Variants in LRIG3 observed in about 807,000 individuals in gnomAD.
LRIG3 encodes the protein leucine rich repeats and immunoglobulin like domains 3.
LRIG3 carries 76 observed loss-of-function variants against 114.5 expected under a neutral mutation model. The ratio of observed to expected loss-of-function variants is 0.66; its 90% confidence interval spans 0.55 to 0.80. LRIG3 has a LOEUF of 0.80. LRIG3 is among the 30% of genes least tolerant of loss of function. The pLI, the probability that LRIG3 is intolerant of heterozygous loss-of-function variation, is 0.00. For synonymous variants in LRIG3, 512 were observed against 519.8 expected (o/e 0.98, Z 0.20); for missense variants, 1,239 against 1,382.8 (o/e 0.90, Z 1.65).
chr12:58,885,499 G>C (rs969319138), intron 10 of LRIG3, among the ~76,000 whole-genome samples: 2 of 151,614 alleles, frequency 1.3e-5, no homozygotes, highest in African/African-American at 4.8e-5. Context: ...TACAATGCCT[G>C]ATATATAGTG....
At chr12:58,891,680 A>G (rs1871460358) in intron 3 of LRIG3, among the ~76,000 whole-genome samples, 1 of 152,184 alleles carries the variant, frequency 6.6e-6, no homozygotes, top group Non-Finnish European at 1.5e-5. Context: ...ATAGTCTTCA[A>G]CACCAATGAA....
Position 58,920,292 on chromosome 12 carries a change from C to T in LRIG3, c.-57G>A. The T allele has an allele frequency of 1.6e-6, 2 of 1,265,292 alleles. No homozygotes were observed. The highest frequency in any genetic ancestry group is 2.3e-5 in the South Asian group (1 of 42,890). The allele number at this position is 1,265,292 out of a possible 1,614,324, so 78.4% of individuals were successfully genotyped here. A position where few individuals can be genotyped will look rare whatever the true frequency, so the allele number is the denominator to read the frequency against. The stretch of plus-strand genomic sequence containing the variant: ...GCTCCCAGCCGGCGCGCGCTCGGGG[C>T]CCGGCACAAACTTCCAGCCGAGGGT... On this transcript the variant is annotated 5_prime_UTR_variant, in exon 1 of 19. Coordinates refer to ENST00000320743, the MANE Select transcript of LRIG3 (RefSeq NM_153377.5).
At chr12:58,912,728 A>T (rs1227820747) in intron 3 of LRIG3, among the ~76,000 whole-genome samples, 7 of 152,220 alleles carry the variant, frequency 4.6e-5, no homozygotes, top group Non-Finnish European at 1.0e-4. Flanking sequence ...AGCAAGAGCA[A>T]AGTGGAATTT....
intron 3 of LRIG3, among the ~76,000 whole-genome samples, chr12:58,893,302 C>A (rs763513461): frequency 1.1e-4 from 16 of 152,156 alleles, no homozygotes; most frequent in Non-Finnish European, 1.8e-4. Flanking sequence ...TTGTCTTTTT[C>A]CAACTTTAAA....
chr12:58,896,699 C>T (rs1871653637), intron 3 of LRIG3, among the ~76,000 whole-genome samples: 1 of 152,152 alleles, frequency 6.6e-6, no homozygotes, highest in Admixed American at 6.5e-5. Flanking sequence ...ACCGTCTTTC[C>T]TTAGAATGCA....
At position 58,910,757 on chromosome 12, in the gene LRIG3, C is replaced by T. The variant is rs781710895; in HGVS notation, c.383+3225G>A. 3.7e-4 allele frequency among the ~76,000 whole-genome samples: 56 copies of T among 152,300 alleles called. 1 individual carries two copies. Among genetic ancestry groups the T allele is most frequent in the African/African-American group, 1.3e-3 (53 of 41,558 alleles). On this transcript the variant is annotated intron_variant, in intron 3 of 18. Coordinates refer to ENST00000320743, the MANE Select transcript of LRIG3 (RefSeq NM_153377.5). ...AAACCATTAGCATCAAGACTAAGAC[C>T]CAACTAGCTCCGTTTAATAACCAAC...
intron 3 of LRIG3, among the ~76,000 whole-genome samples, chr12:58,893,629 GGA>G: frequency 6.6e-6 from 1 of 152,176 alleles, no homozygotes; most frequent in Non-Finnish European, 1.5e-5. Flanking sequence ...TCCCGGAGAT[GGA>G]TTCCATCCAG....
At chr12:58,895,731 A>G (rs1871618254) in intron 3 of LRIG3, among the ~76,000 whole-genome samples, 1 of 152,144 alleles carries the variant, frequency 6.6e-6, no homozygotes, top group Admixed American at 6.5e-5. Flanking sequence ...GGGTGGAAAG[A>G]CTGGGAGGAA....
At chr12:58,912,526 C>T (rs1206826020) in intron 3 of LRIG3, among the ~76,000 whole-genome samples, 1 of 152,050 alleles carries the variant, frequency 6.6e-6, no homozygotes, top group Non-Finnish European at 1.5e-5. Flanking sequence ...CACTAGGTTA[C>T]TTATAATTTT....
intron 3 of LRIG3, among the ~76,000 whole-genome samples, chr12:58,893,681 T>G (rs1428168910): frequency 6.6e-6 from 1 of 152,188 alleles, no homozygotes; most frequent in Non-Finnish European, 1.5e-5. Flanking sequence ...GTGTGTGGGT[T>G]AAATAAAACC....
rs781574436 is a variant in LRIG3, at chr12:58,872,591, G to A, written c.3341C>T (p.Ser1114Phe). ...TTCAGTCTATGTGTCCAAGTCATAA[G>A]ACTGAAAATTTGGAGTCCTGTAGTT... ...LENYRTPNFQ[S>F]YDLDT Residue 1114 changes from serine to phenylalanine, a missense_variant, in exon 19 of 19, where the codon TCT becomes TTT. By Grantham distance (155) the Ser-to-Phe change is radical (BLOSUM62 -2). Transcript: ENST00000320743. The A allele has an allele frequency of 8.1e-6, 13 of 1,613,416 alleles. No homozygotes were observed. The highest frequency in any genetic ancestry group is 9.3e-6 in the Non-Finnish European group (11 of 1,179,738).
chr12:58,883,134 T>A, intron 11 of LRIG3, 102 bp from the exon 12 acceptor site: 1 of 1,095,508 alleles, frequency 9.1e-7, no homozygotes, highest in Non-Finnish European at 1.3e-6. Flanking sequence ...ATTTGGAAAC[T>A]GAATACACAC....
intron 10 of LRIG3, among the ~76,000 whole-genome samples, chr12:58,883,983 CAGTATTTTTGA>C (rs1333329090): frequency 6.6e-6 from 1 of 152,072 alleles, no homozygotes; most frequent in Non-Finnish European, 1.5e-5. Context: ...AACATTTACA[CAGTATTTTTGA>C]AGATATGCAC....
chr12:58,874,026 C>T (rs746482468), intron 18 of LRIG3, 29 bp downstream of exon 18: 10 of 1,611,588 alleles, frequency 6.2e-6, no homozygotes, highest in Admixed American at 3.3e-5. Flanking sequence ...GATCCTCAGA[C>T]GAGGTACCTG....
rs1267149445 is a variant in LRIG3 at position 58,919,677 on chromosome 12, A to C, written c.236+323T>G. Reference sequence around the variant, plus strand: ...TATCTCCCCTGGGCCTGGCAGGAGCAAGCATTTGAACCCCTTGGCTAGCTT... The same window carrying C: ...TATCTCCCCTGGGCCTGGCAGGAGCCAGCATTTGAACCCCTTGGCTAGCTT... On this transcript the variant is annotated intron_variant, in intron 1 of 18. Coordinates refer to ENST00000320743, the MANE Select transcript of LRIG3 (RefSeq NM_153377.5). The C allele has an allele frequency of 2.5e-6, 3 of 1,183,788 alleles. No homozygotes were observed. In the African/African-American group the frequency reaches 4.6e-5, roughly 18 times the overall value. The allele number at this position is 1,183,788 out of a possible 1,614,324, so 73.3% of individuals were successfully genotyped here. A position where few individuals can be genotyped will look rare whatever the true frequency, so the allele number is the denominator to read the frequency against.
At chr12:58,903,976 G>A (rs1260537310) in intron 3 of LRIG3, among the ~76,000 whole-genome samples, 3 of 152,112 alleles carry the variant, frequency 2.0e-5, no homozygotes, top group Admixed American at 1.3e-4. Flanking sequence ...TAGCCTTGTA[G>A]TATAGTTTGA....
chr12:58,905,381 T>A (rs1261933221), intron 3 of LRIG3, among the ~76,000 whole-genome samples: 1 of 152,222 alleles, frequency 6.6e-6, no homozygotes, highest in Non-Finnish European at 1.5e-5. Flanking sequence ...TATGTGTAAG[T>A]CATCTATAAA....
At chr12:58,908,760 G>A (rs1047629708) in intron 3 of LRIG3, among the ~76,000 whole-genome samples, 21 of 152,282 alleles carry the variant, frequency 1.4e-4, no homozygotes, top group Admixed American at 2.6e-4. Context: ...TACGCTAAGT[G>A]CAGCAGCATG....
rs1370420817 is a variant in LRIG3, at chr12:58,872,745, G to A, written c.3187C>T (p.Gln1063Ter). Residue 1063 changes from glutamine (Q) to a stop codon, truncating the protein, a stop_gained, in exon 19 of 19, where the codon CAG becomes TAG. Coordinates refer to ENST00000320743, the MANE Select transcript of LRIG3 (RefSeq NM_153377.5). LOFTEE classifies it high-confidence loss of function. ...GCTTTCAAATAAAAGGCTCTTGGCT[G>A]ACAATCTGATGGCTGTCCAAAGCTT... is the stretch of plus-strand genomic sequence containing the variant. ...YSSFGQPSDC[Q>*]PRAFYLKAHS... The A allele has an allele frequency of 1.2e-6, 2 of 1,614,088 alleles. No homozygotes were observed. The highest frequency in any genetic ancestry group is 2.2e-5 in the East Asian group (1 of 44,862).
Sources: allele counts gnomAD v4.1 joint callset (sites outside exome capture counted in the v4.1 genomes callset), GRCh38; gene constraint gnomAD v4.1.1; transcripts MANE v1.5; gene names NCBI Gene and HGNC (gene_info 2026-07-23, HGNC 2026-07-21).